Variants in CACNA2D3 observed in about 807,000 individuals in gnomAD.
The protein encoded by CACNA2D3 is voltage-dependent calcium channel subunit alpha-2/delta-3.
Under a neutral mutation model 160.6 loss-of-function variants are expected in CACNA2D3, and 60 were observed. The observed-to-expected ratio is 0.37, with a 90% CI of 0.30 to 0.46. The LOEUF (loss-of-function observed/expected upper bound fraction) is 0.46, where lower values mean the gene tolerates loss of function less well. Ranked by LOEUF, CACNA2D3 falls within the 20% of genes least tolerant of loss-of-function variation. CACNA2D3 has a pLI of 1.00. For missense variants in CACNA2D3, 1,205 were observed against 1,365.0 expected (o/e 0.88, Z 1.85); for synonymous variants, 558 against 492.9 (o/e 1.13, Z -1.75).
chr3:54,932,055 G>A (rs577863077), intron 27 of CACNA2D3, among the ~76,000 whole-genome samples: 38 of 152,084 alleles, frequency 2.5e-4, no homozygotes, highest in African/African-American at 7.2e-4. Flanking sequence ...GGTGGTGAGC[G>A]CCTATAGTCT....
At chr3:54,474,200 A>G (rs1700787434) in intron 4 of CACNA2D3, among the ~76,000 whole-genome samples, 3 of 152,206 alleles carry the variant, frequency 2.0e-5, no homozygotes, top group Admixed American at 6.5e-5. Flanking sequence ...CATATACACC[A>G]TGGAATACTA....
chr3:54,542,050 G>T (rs1243538693), intron 5 of CACNA2D3, among the ~76,000 whole-genome samples: 4 of 150,524 alleles, frequency 2.7e-5, no homozygotes, highest in Admixed American at 2.6e-4. Context: ...GTGAATGAGA[G>T]TTTTTTTTGT....
At chr3:54,763,872 T>TATATATATGTAC (rs1702163716) in intron 12 of CACNA2D3, among the ~76,000 whole-genome samples, 1 of 33,470 alleles carries the variant, frequency 3.0e-5, no homozygotes, top group Admixed American at 3.8e-4. Context: ...TATATATACG[T>TATATATATGTAC]ATATATATGT....
chr3:54,640,582 A>T (rs1457649850), intron 10 of CACNA2D3, among the ~76,000 whole-genome samples: 1 of 152,322 alleles, frequency 6.6e-6, no homozygotes, highest in African/African-American at 2.4e-5. Context: ...TGAAAGTTGA[A>T]GAAGTCTAGG....
At chr3:54,465,729 C>G (rs1322102848) in intron 4 of CACNA2D3, among the ~76,000 whole-genome samples, 4 of 152,090 alleles carry the variant, frequency 2.6e-5, no homozygotes, top group Non-Finnish European at 5.9e-5. Flanking sequence ...TTGCATCAAC[C>G]TAGAGATGTA....
rs551581544 is a variant in CACNA2D3 at position 54,522,802 on chromosome 3, C to G, written c.544+19148C>G. Among the ~76,000 whole-genome samples the G allele has an allele frequency of 9.0e-4, 137 of 152,248 alleles. No individual in the cohort carries two copies. In the Middle Eastern group the frequency reaches 0.01, roughly 11 times the overall value. On this transcript the variant is annotated intron_variant, in intron 5 of 37. Transcript: ENST00000474759. ...TTAATCCATTCATGAGGGCAGAGAC[C>G]TCATGACCTAGTCAACTCTTACAGG... is the stretch of plus-strand genomic sequence containing the variant.
At chr3:54,846,509 T>G (rs1698935960) in intron 17 of CACNA2D3, 42 bp downstream of exon 17, 1 of 1,296,774 alleles carries the variant, frequency 7.7e-7, no homozygotes, top group East Asian at 2.4e-5. Context: ...CTTTTATGAT[T>G]TTAAAAGATT....
At chr3:54,811,504 T>A (rs764870691) in intron 13 of CACNA2D3, among the ~76,000 whole-genome samples, 3,137 of 55,334 alleles carry the variant, frequency 0.057, 168 homozygotes, top group Non-Finnish European at 0.076. Context: ...TTTTTTTTTT[T>A]TTTTTTTTTT....
chr3:54,755,999 T>C (rs1014914201), intron 12 of CACNA2D3, among the ~76,000 whole-genome samples: 2 of 152,206 alleles, frequency 1.3e-5, no homozygotes, highest in Admixed American at 1.3e-4. Flanking sequence ...GTTTTAGTCA[T>C]TGTTTATAAG....
chr3:55,068,545 C>T (rs1373852894), intron 35 of CACNA2D3, among the ~76,000 whole-genome samples: 1 of 152,086 alleles, frequency 6.6e-6, no homozygotes, highest in Admixed American at 6.5e-5. Context: ...ATTTATTTTT[C>T]TTGTTTCTCT....
At chr3:54,652,743 T>C (rs530705217) in intron 11 of CACNA2D3, among the ~76,000 whole-genome samples, 1 of 147,704 alleles carries the variant, frequency 6.8e-6, no homozygotes, top group South Asian at 2.2e-4. Flanking sequence ...AGTGAGATGT[T>C]GGGATGTGAT....
At chr3:54,351,331 A>G (rs1417823055) in intron 3 of CACNA2D3, among the ~76,000 whole-genome samples, 3 of 151,880 alleles carry the variant, frequency 2.0e-5, no homozygotes, top group Admixed American at 6.6e-5. Context: ...CTTGTCAGCC[A>G]TTGGTGGCTT....
At chr3:54,255,666 C>T (rs2107431741) in intron 2 of CACNA2D3, among the ~76,000 whole-genome samples, 1 of 152,192 alleles carries the variant, frequency 6.6e-6, no homozygotes, top group East Asian at 1.9e-4. Flanking sequence ...ATCTTTGGGC[C>T]TTTGTATTCC....
chr3:54,282,816 C>T (rs1702911750), intron 2 of CACNA2D3, among the ~76,000 whole-genome samples: 1 of 151,392 alleles, frequency 6.6e-6, no homozygotes, highest in Admixed American at 6.6e-5. Context: ...GGAATTAGCC[C>T]TCTAAGAAGA....
intron 27 of CACNA2D3, among the ~76,000 whole-genome samples, chr3:54,947,051 A>T (rs1014744340): frequency 6.6e-6 from 1 of 152,208 alleles, no homozygotes; most frequent in Non-Finnish European, 1.5e-5. Flanking sequence ...GGAACCCCAT[A>T]ATGAAAGTGA....
At chr3:54,743,833 C>T (rs1373283084) in intron 11 of CACNA2D3, among the ~76,000 whole-genome samples, 3 of 152,148 alleles carry the variant, frequency 2.0e-5, no homozygotes, top group Non-Finnish European at 4.4e-5. Flanking sequence ...ATGCAGTGTC[C>T]AGCAGCCTGA....
At chr3:54,123,946 C>T (rs1480595887) in intron 2 of CACNA2D3, among the ~76,000 whole-genome samples, 1 of 152,204 alleles carries the variant, frequency 6.6e-6, no homozygotes, top group African/African-American at 2.4e-5. Flanking sequence ...ATCCAAGGGG[C>T]AGACTCAGTG....
intron 6 of CACNA2D3, among the ~76,000 whole-genome samples, chr3:54,568,100 A>G (rs1227164317): frequency 6.6e-6 from 1 of 152,212 alleles, no homozygotes; most frequent in Non-Finnish European, 1.5e-5. Flanking sequence ...TCAGTCTTGT[A>G]TCAGTCTCTG....
chr3:54,428,593 T>C (rs1553662287), intron 4 of CACNA2D3, among the ~76,000 whole-genome samples: 1 of 151,990 alleles, frequency 6.6e-6, no homozygotes, highest in African/African-American at 2.4e-5. Flanking sequence ...TTTTTTTTTT[T>C]CACCTTTTAC....
Sources: gnomAD v4.1 joint callset for allele counts (sites outside exome capture counted in the v4.1 genomes callset) on GRCh38, gnomAD v4.1.1 for gene constraint, MANE v1.5 for transcripts, NCBI Gene and HGNC (gene_info 2026-07-23, HGNC 2026-07-21) for gene names.